Variants in CYTH2 observed in about 807,000 individuals in gnomAD.
CYTH2 encodes the protein cytohesin 2, also known as cytohesin-2.
In CYTH2, 24 loss-of-function variants were observed where a neutral mutation model predicts 55.4. That is an observed-to-expected ratio of 0.43 (90% CI 0.31 to 0.61). The LOEUF (loss-of-function observed/expected upper bound fraction) is 0.61, where lower values mean the gene tolerates loss of function less well. Ranked by LOEUF, CYTH2 falls within the 20% of genes least tolerant of loss-of-function variation. The probability of loss-of-function intolerance (pLI) is 0.08; values close to 1 mark genes in which losing one functional copy is unlikely to be tolerated. For missense variants in CYTH2, 378 were observed against 533.5 expected, an observed-to-expected ratio of 0.71 and a Z score of 2.87; for synonymous variants, 221 against 209.6, an observed-to-expected ratio of 1.05 and a Z score of -0.47.
chr19:48,469,805 G>T lies in CYTH2; in HGVS notation c.19+279G>T. 2 of 612,492 alleles carry T rather than the reference G, an allele frequency of 3.3e-6. 1 individual carries two copies. Among genetic ancestry groups the T allele is most frequent in the South Asian group, 3.8e-5 (2 of 52,122 alleles). The allele number at this position is 612,492 out of a possible 1,614,324, so 37.9% of individuals were successfully genotyped here. ...CCGGGGCGGAACCATTCCCGCTGGA[G>T]GGGCGGGCGAGCCCAGCGCCTGCCG... On this transcript the variant is annotated intron_variant, in intron 1 of 11. Coordinates refer to ENST00000452733, the MANE Select transcript of CYTH2 (RefSeq NM_004228.7).
rs535530916 is a variant in CYTH2, at chr19:48,480,946, G to C, written c.*1736G>C. 6.6e-6 allele frequency: 1 copy of C among 152,348 alleles called. No individual in the cohort carries two copies. The highest frequency in any genetic ancestry group is 1.5e-5 in the Non-Finnish European group (1 of 68,136). The allele number at this position is 152,348 out of a possible 1,614,324, so 9.4% of individuals were successfully genotyped here. A position where few individuals can be genotyped will look rare whatever the true frequency, so the allele number is the denominator to read the frequency against. On this transcript the variant is annotated 3_prime_UTR_variant, in exon 12 of 12. Transcript: ENST00000452733. ...GGTGGCGAAGAGGGGAGTGCGGCGG[G>C]AGGGGAGGGCAGAGGCAGGCGGCCG...
chr19:48,474,627 G>T lies in CYTH2; in HGVS notation c.697-211G>T, dbSNP rs111368513. On this transcript the variant is annotated intron_variant, in intron 7 of 11. Transcript: ENST00000452733. This position sits in a 1 kb window ranked among gnomAD's most constrained non-coding sequence, Gnocchi z 4.9. ...TGTCTGTTTCTCTGAGGACGTAGCC[G>T]GCTCCTCCACCTATCACCAGGGCAT... Among the ~76,000 whole-genome samples the T allele has an allele frequency of 0.024, 3,696 of 152,038 alleles. 159 individuals carry two copies. Among genetic ancestry groups the T allele is most frequent in the African/African-American group, 0.084 (3,475 of 41,456 alleles).
chr19:48,475,256 G>GATAC, intron 8 of CYTH2: 8 of 345,886 alleles, frequency 2.3e-5, no homozygotes, highest in South Asian at 4.2e-5. Flanking sequence ...GTCCTTTCGT[G>GATAC]GGAGAAGAGT....
At chr19:48,477,871 C>T in intron 8 of CYTH2, 198 bp from the exon 9 acceptor site, 1 of 568,000 alleles carries the variant, frequency 1.8e-6, no homozygotes, top group Non-Finnish European at 3.2e-6. Context: ...AATGTGGAGC[C>T]CCAAGCTGGG....
At chr19:48,470,285 C>T (rs972508805) in intron 1 of CYTH2, 68 bp from the exon 2 acceptor site, 34 of 1,538,510 alleles carry the variant, frequency 2.2e-5, no homozygotes, top group Non-Finnish European at 3.0e-5. Flanking sequence ...TCTGTCCGCC[C>T]CCAGATTGCA....
Position 48,481,977 on chromosome 19 carries a change from T to G in CYTH2, c.*2767T>G, listed in dbSNP as rs1326413475. On this transcript the variant is annotated 3_prime_UTR_variant, in exon 12 of 12. Coordinates refer to ENST00000452733, the MANE Select transcript of CYTH2 (RefSeq NM_004228.7). ...CTCATGGATAGATTAATGCCTGCCT[T>G]AAGGGGTGAGTGAGTGCTCACCCTT... 1 of 152,370 alleles carries G rather than the reference T, an allele frequency of 6.6e-6. No homozygotes were observed. The highest frequency in any genetic ancestry group is 1.5e-5 in the Non-Finnish European group (1 of 68,138). The allele number at this position is 152,370 out of a possible 1,614,324, so 9.4% of individuals were successfully genotyped here. A position where few individuals can be genotyped will look rare whatever the true frequency, so the allele number is the denominator to read the frequency against.
chr19:48,476,132 G>A (rs1971908104), intron 8 of CYTH2: 1 of 434,610 alleles, frequency 2.3e-6, no homozygotes, highest in East Asian at 6.5e-5. Context: ...AGGGTTTCCT[G>A]GTAAATGTAA....
At chr19:48,472,621 C>A in intron 4 of CYTH2, 178 bp downstream of exon 4, 1 of 665,846 alleles carries the variant, frequency 1.5e-6, no homozygotes, top group Non-Finnish European at 2.7e-6. Context: ...GCTAGGGGAG[C>A]CTGCGGCCAA....
Position 48,473,819 on chromosome 19 carries a change from G to A in CYTH2, c.435-86G>A, listed in dbSNP as rs896018628. ...TGAGGCCGGAAGGTCGGGATTCCTC[G>A]TGGACCAGTTCCTAACACAGGGACT... On this transcript the variant is annotated intron_variant, in intron 5 of 11. Transcript: ENST00000452733. The A allele has an allele frequency of 8.3e-6, 9 of 1,084,932 alleles. No homozygotes were observed. The East Asian group carries it at 1.0e-4, about 12-fold the overall frequency. 67.2% of individuals were successfully genotyped at this position (1,084,932 alleles called of 1,614,324 possible). A position where few individuals can be genotyped will look rare whatever the true frequency, so the allele number is the denominator to read the frequency against.
intron 4 of CYTH2, chr19:48,473,084 AG>A (rs2147505895): frequency 1.8e-6 from 1 of 567,430 alleles, no homozygotes; most frequent in East Asian, 3.0e-5. Flanking sequence ...TGGCCTAAGC[AG>A]GGTTCCCAAG....
chr19:48,479,396 A>T lies in CYTH2; in HGVS notation c.*186A>T. On this transcript the variant is annotated 3_prime_UTR_variant, in exon 12 of 12. Coordinates refer to ENST00000452733, the MANE Select transcript of CYTH2 (RefSeq NM_004228.7). ...AATTATTTAACCACTTGGCCTGCTG[A>T]CCCCCTCATTTCTTGGGGTTGACAG... The T allele has an allele frequency of 1.8e-6, 1 of 553,428 alleles. No homozygotes were observed. Among genetic ancestry groups the T allele is most frequent in the Non-Finnish European group, 3.1e-6 (1 of 319,352 alleles). The allele number at this position is 553,428 out of a possible 1,614,324, so 34.3% of individuals were successfully genotyped here. A position where few individuals can be genotyped will look rare whatever the true frequency, so the allele number is the denominator to read the frequency against.
At chr19:48,469,583 G>A in intron 1 of CYTH2, 57 bp downstream of exon 1, 1 of 1,325,660 alleles carries the variant, frequency 7.5e-7, no homozygotes, top group South Asian at 2.2e-5. Context: ...TCTCCTGAAC[G>A]TTCCGCCGCG....
chr19:48,472,252 G>T, intron 3 of CYTH2, 73 bp from the exon 4 acceptor site: 1 of 1,395,690 alleles, frequency 7.2e-7, no homozygotes. Flanking sequence ...AGGTCTGGAT[G>T]CTGAGGTTCC....
intron 1 of CYTH2, 187 bp from the exon 2 acceptor site, chr19:48,470,166 A>G: frequency 1.1e-6 from 1 of 919,652 alleles, no homozygotes; most frequent in Non-Finnish European, 1.7e-6. Context: ...GTCCCCCAGG[A>G]CTCAAGAGTT....
intron 4 of CYTH2, chr19:48,473,060 A>G (rs1174853212): frequency 3.9e-6 from 2 of 510,964 alleles, no homozygotes; most frequent in African/African-American, 3.9e-5. Context: ...ATTTCTCCCA[A>G]CTGTACAAAG....
At chr19:48,471,498 TC>T (rs1971793231) in intron 3 of CYTH2, among the ~76,000 whole-genome samples, 2 of 151,956 alleles carry the variant, frequency 1.3e-5, no homozygotes, top group Admixed American at 1.3e-4. Flanking sequence ...CTCTCAAGAG[TC>T]TGATCCTGTG....
rs1203532319 is a variant in CYTH2, at chr19:48,482,132, G to C, written c.*2922G>C. ...CTCAGGGATGAGGGAGGTCCTCAGT[G>C]AGTGCACCTGCCCAGTCTTGAACCT... On this transcript the variant is annotated 3_prime_UTR_variant, in exon 12 of 12. Transcript: ENST00000452733. 6.6e-6 allele frequency: 1 copy of C among 152,154 alleles called. No homozygotes were observed. The highest frequency in any genetic ancestry group is 1.5e-5 in the Non-Finnish European group (1 of 68,068). The allele number at this position is 152,154 out of a possible 1,614,324, so 9.4% of individuals were successfully genotyped here.
rs751523587 is a variant in CYTH2 at position 48,472,488 on chromosome 19, C to T, written c.353+45C>T. On this transcript the variant is annotated intron_variant, in intron 4 of 11. Transcript: ENST00000452733. ...CCTGTGGGGCCCCTCCCTCCCACCCCCCAGACCCAGCTCCTGCCCTCACAC... is the reference window on the plus strand; with the variant it reads ...CCTGTGGGGCCCCTCCCTCCCACCCTCCAGACCCAGCTCCTGCCCTCACAC... 3.4e-6 allele frequency: 5 copies of T among 1,490,024 alleles called. No homozygotes were observed. The Admixed American group carries it at 7.5e-5, about 22-fold the overall frequency. 92.3% of individuals were successfully genotyped at this position (1,490,024 alleles called of 1,614,324 possible). A position where few individuals can be genotyped will look rare whatever the true frequency, so the allele number is the denominator to read the frequency against.
Position 48,469,477 on chromosome 19 carries a change from C to T in CYTH2, c.-31C>T, listed in dbSNP as rs1453191143. ...ATCCAGGCCCGACTGGCGGGACCGC[C>T]CCGGATTCCCCGCGGGCCTTCCTAG... On this transcript the variant is annotated 5_prime_UTR_variant, in exon 1 of 12. Coordinates refer to ENST00000452733, the MANE Select transcript of CYTH2 (RefSeq NM_004228.7). 1.4e-5 allele frequency: 19 copies of T among 1,315,480 alleles called. No individual in the cohort carries two copies. The highest frequency in any genetic ancestry group is 1.9e-5 in the Non-Finnish European group (19 of 1,024,530). 81.5% of individuals were successfully genotyped at this position (1,315,480 alleles called of 1,614,324 possible).
Sources: gnomAD v4.1 joint callset for allele counts (sites outside exome capture counted in the v4.1 genomes callset) on GRCh38, gnomAD v4.1.1 for gene constraint, Gnocchi (gnomAD v3.1) non-coding constraint, MANE v1.5 for transcripts, NCBI Gene and HGNC (gene_info 2026-07-23, HGNC 2026-07-21) for gene names.